Variants in CTNNA2 observed in about 807,000 individuals in gnomAD.
CTNNA2 encodes catenin alpha 2, also known as catenin alpha-2.
CTNNA2 carries 42 observed loss-of-function variants against 101.0 expected under a neutral mutation model. That is an observed-to-expected ratio of 0.42 (90% CI 0.32 to 0.54). The LOEUF is 0.54. Among genes scored for constraint, CTNNA2 ranks in the 20% least tolerant of loss-of-function variants. The probability of loss-of-function intolerance (pLI) is 0.14; values close to 1 mark genes in which losing one functional copy is unlikely to be tolerated. For synonymous variants in CTNNA2, 450 were observed against 456.4 expected (o/e 0.99, Z 0.18); for missense variants, 871 against 1,223.1 (o/e 0.71, Z 4.29).
At chr2:79,961,183 C>T (rs1689601372) in intron 7 of CTNNA2, among the ~76,000 whole-genome samples, 1 of 152,114 alleles carries the variant, frequency 6.6e-6, no homozygotes, top group Admixed American at 6.5e-5. Context: ...GAGTTGCAGG[C>T]TCCCCATAGT....
chr2:79,988,567 T>A, intron 7 of CTNNA2, among the ~76,000 whole-genome samples: 1 of 152,100 alleles, frequency 6.6e-6, no homozygotes, highest in East Asian at 1.9e-4. Flanking sequence ...ACATCTATAT[T>A]TTTATTTAAC....
In CTNNA2 at chr2:79,301,833, A is replaced by AGTG. The variant is rs200898727; in HGVS notation, c.-405-10876_-405-10875insGTG. 2.6e-3 allele frequency among the ~76,000 whole-genome samples: 397 copies of AGTG among 152,204 alleles called. 9 individuals are homozygous for AGTG. In the East Asian group the frequency reaches 0.064, roughly 25 times the overall value. On this transcript the variant is annotated intron_variant, in intron 2 of 21. Transcript: ENST00000466387. Reference sequence around the variant, plus strand: ...GCCGGGCACAGTGGCTCACATCTGTAATCCTACTGCTTTGGGAGGCTGAGG... The same window carrying AGTG: ...GCCGGGCACAGTGGCTCACATCTGTAGTGATCCTACTGCTTTGGGAGGCTGAGG...
intron 6 of CTNNA2, 70 bp downstream of exon 6, chr2:79,874,412 A>C: frequency 6.6e-7 from 1 of 1,515,804 alleles, no homozygotes. Flanking sequence ...TGTATTGAGG[A>C]TGAAGGGCCA....
chr2:80,304,930 A>AAT, intron 7 of CTNNA2: 3 of 227,256 alleles, frequency 1.3e-5, no homozygotes, highest in Non-Finnish European at 2.1e-5. Flanking sequence ...AAAAAAAAAA[A>AAT]GGAGGGGGGA....
At chr2:79,241,884 A>ATTTTCTTTTCTTTTCTTTTCTTTTC (rs3979579) in intron 2 of CTNNA2, among the ~76,000 whole-genome samples, 2 of 149,124 alleles carry the variant, frequency 1.3e-5, no homozygotes, top group African/African-American at 4.9e-5. Flanking sequence ...ACATTTGGGT[A>ATTTTCTTTTCTTTTCTTTTCTTTTC]TTTTCTTTTC....
At chr2:79,215,480 G>A (rs1302334059) in intron 2 of CTNNA2, among the ~76,000 whole-genome samples, 1 of 152,178 alleles carries the variant, frequency 6.6e-6, no homozygotes, top group African/African-American at 2.4e-5. Context: ...GTCCTGTTGT[G>A]GGGTTTGAGG....
In CTNNA2 at chr2:80,146,710, G is replaced by GTTTTTT; in HGVS notation, c.1056+236940_1056+236945dup. On this transcript the variant is annotated intron_variant, in intron 7 of 18. Coordinates refer to ENST00000402739, the MANE Select transcript of CTNNA2 (RefSeq NM_001282597.3). ...TTTCTGAAGTAGGAAGTCCCCTCTG[G>GTTTTTT]TTTTTTTTTTTTTTTTTTTTTTTTT... 3.4e-3 allele frequency among the ~76,000 whole-genome samples: 209 copies of GTTTTTT among 61,754 alleles called. 50 individuals are homozygous for GTTTTTT. The highest frequency in any genetic ancestry group is 5.7e-3 in the Non-Finnish European group (185 of 32,538). The allele number at this position is 61,754 out of a possible 152,430, so 40.5% of individuals were successfully genotyped here.
intron 7 of CTNNA2, among the ~76,000 whole-genome samples, chr2:80,118,135 G>GA (rs1701629296): frequency 6.6e-6 from 1 of 151,922 alleles, no homozygotes; most frequent in African/African-American, 2.4e-5. Context: ...TCCTTGTTTT[G>GA]AAAAATACAT....
intron 9 of CTNNA2, among the ~76,000 whole-genome samples, chr2:80,536,152 G>A (rs1231549334): frequency 1.3e-5 from 2 of 152,178 alleles, no homozygotes. Flanking sequence ...CTAGAAGATA[G>A]GCATATATGT....
At chr2:80,632,914 AAAAT>A (rs1672449628) in intron 18 of CTNNA2, among the ~76,000 whole-genome samples, 1 of 152,210 alleles carries the variant, frequency 6.6e-6, no homozygotes, top group African/African-American at 2.4e-5. Flanking sequence ...TACAGTTGAA[AAAAT>A]AAATAGAAAC....
intron 3 of CTNNA2, among the ~76,000 whole-genome samples, chr2:79,358,730 T>C (rs1003825881): frequency 2.0e-5 from 3 of 152,194 alleles, no homozygotes; most frequent in Non-Finnish European, 4.4e-5. Flanking sequence ...TATCCTAGGT[T>C]TTTAACTCTA....
At chr2:79,802,327 C>A (rs1676229405) in intron 3 of CTNNA2, among the ~76,000 whole-genome samples, 2 of 152,196 alleles carry the variant, frequency 1.3e-5, no homozygotes, top group South Asian at 4.1e-4. Context: ...CAGAGCATTT[C>A]TTTCCATTTT....
At chr2:80,434,819 A>C (rs1423587485) in intron 9 of CTNNA2, among the ~76,000 whole-genome samples, 2 of 152,140 alleles carry the variant, frequency 1.3e-5, no homozygotes, top group Non-Finnish European at 2.9e-5. Flanking sequence ...AATGTATTGC[A>C]GGAGTTAAGG....
chr2:79,753,335 A>G (rs1472322494), intron 3 of CTNNA2, among the ~76,000 whole-genome samples: 1 of 152,212 alleles, frequency 6.6e-6, no homozygotes, highest in African/African-American at 2.4e-5. Context: ...TTTGAAATAG[A>G]TTTGAAAGCT....
intron 9 of CTNNA2, among the ~76,000 whole-genome samples, chr2:80,449,177 C>G (rs375336790): frequency 2.6e-5 from 4 of 151,814 alleles, no homozygotes; most frequent in African/African-American, 4.8e-5. Flanking sequence ...TCTGAGAGGC[C>G]GAGGCAGGAG....
At chr2:79,239,544 A>C (rs1173531070) in intron 2 of CTNNA2, among the ~76,000 whole-genome samples, 1 of 152,128 alleles carries the variant, frequency 6.6e-6, no homozygotes, top group African/African-American at 2.4e-5. Context: ...AAAAAAATTA[A>C]CTCAAGATGG....
chr2:80,246,015 C>A (rs549225769), intron 7 of CTNNA2, among the ~76,000 whole-genome samples: 101 of 151,950 alleles, frequency 6.6e-4, no homozygotes, highest in Non-Finnish European at 1.1e-3. Context: ...AGGACGGTCT[C>A]GATCTCCTGA....
At chr2:79,559,731 G>A (rs545789173) in intron 1 of CTNNA2, among the ~76,000 whole-genome samples, 135 of 151,914 alleles carry the variant, frequency 8.9e-4, no homozygotes, top group African/African-American at 3.2e-3. Flanking sequence ...GAATTCTACA[G>A]GAGCTTGGAA....
rs79896405 is a variant in CTNNA2 at position 80,134,493 on chromosome 2, A to C, written c.1056+224696A>C. On this transcript the variant is annotated intron_variant, in intron 7 of 18. Coordinates refer to ENST00000402739, the MANE Select transcript of CTNNA2 (RefSeq NM_001282597.3). The stretch of plus-strand genomic sequence containing the variant: ...GGGGGTTTGCAGAAAACCCGTTAAT[A>C]AACTTCAACTTCATCCATGTGACCC... Among the ~76,000 whole-genome samples, 641 of 152,248 alleles carry C rather than the reference A, an allele frequency of 4.2e-3. 2 individuals carry two copies. Among genetic ancestry groups the C allele is most frequent in the East Asian group, 0.02 (106 of 5,176 alleles).
Sources: allele counts gnomAD v4.1 joint callset (sites outside exome capture counted in the v4.1 genomes callset), GRCh38; gene constraint gnomAD v4.1.1; transcripts MANE v1.5; gene names NCBI Gene and HGNC (gene_info 2026-07-23, HGNC 2026-07-21).